Variants in CACNA1C observed in about 807,000 individuals in gnomAD.
CACNA1C encodes the protein voltage-dependent L-type calcium channel subunit alpha-1C.
A neutral mutation model predicts 229.0 loss-of-function variants in CACNA1C; 30 were observed. The ratio of observed to expected loss-of-function variants is 0.13; its 90% CI spans 0.10 to 0.18. CACNA1C has a LOEUF of 0.18. CACNA1C is among the 10% of genes least tolerant of loss of function. The pLI is 1.00. For synonymous variants in CACNA1C, 1,114 were observed against 1,132.5 expected (o/e 0.98, Z 0.33); for missense variants, 1,658 against 2,845.0 (o/e 0.58, Z 9.49).
At chr12:2,168,642 A>T (rs2096347897) in intron 3 of CACNA1C, among the ~76,000 whole-genome samples, 1 of 152,188 alleles carries the variant, frequency 6.6e-6, no homozygotes. Flanking sequence ...CCTGTATCAC[A>T]ACAGGTATTT....
intron 1 of CACNA1C, chr12:2,004,368 G>C: frequency 6.2e-7 from 1 of 1,613,104 alleles, no homozygotes; most frequent in Non-Finnish European, 8.5e-7. Context: ...TCGTGGCGCT[G>C]CAGGGCCGCT....
In CACNA1C at chr12:2,410,961, A is replaced by T. The variant is rs2098800831; in HGVS notation, c.478-38015A>T. 6.7e-6 allele frequency among the ~76,000 whole-genome samples: 1 copy of T among 149,532 alleles called. No individual in the cohort carries two copies. Among genetic ancestry groups the T allele is most frequent in the East Asian group, 2.0e-4 (1 of 5,092 alleles). ...ATTTTTCTCTCATCTTTCTCTCCCT[A>T]CTCCCCTTGCAGCATGAGAGGCCCA... On this transcript the variant is annotated intron_variant, in intron 3 of 46. Coordinates refer to ENST00000399655, the MANE Select transcript of CACNA1C (RefSeq NM_000719.7). The surrounding 1 kb of genome is among the most constrained non-coding windows in gnomAD (Gnocchi z 5.3).
Position 2,611,886 on chromosome 12 carries a change from C to G in CACNA1C, c.3718-17C>G, listed in dbSNP as rs896229007. The G allele has an allele frequency of 8.4e-6, 13 of 1,547,130 alleles. No individual in the cohort carries two copies. Among genetic ancestry groups the G allele is most frequent in the Non-Finnish European group, 1.2e-5 (13 of 1,119,600 alleles). On this transcript the variant is annotated splice_polypyrimidine_tract_variant and intron_variant, in intron 28 of 46. Coordinates refer to ENST00000399655, the MANE Select transcript of CACNA1C (RefSeq NM_000719.7). ...TCCCTGCCCCGTGTTCACAGCTCCT[C>G]CCCTCTCCTGATGCAGCACTACGGC...
intron 1 of CACNA1C, among the ~76,000 whole-genome samples, chr12:2,104,501 T>A (rs1595924385): frequency 1.3e-5 from 2 of 152,218 alleles, no homozygotes; most frequent in South Asian, 4.1e-4. Flanking sequence ...AAATATATAA[T>A]CATGTTATCT....
At chr12:2,199,855 T>C (rs2097533239) in intron 3 of CACNA1C, among the ~76,000 whole-genome samples, 1 of 152,150 alleles carries the variant, frequency 6.6e-6, no homozygotes, top group Admixed American at 6.5e-5. Context: ...GCACTCAGTC[T>C]GGGCAACAGA....
At position 2,585,107 on chromosome 12, in the gene CACNA1C, G is replaced by T. The variant is rs982071890; in HGVS notation, c.2340-269G>T. ...TCCTCCAGGAGCCAATCCTAGATGA[G>T]ATCCACCATCCTTTTCTGCTTTGGC... On this transcript the variant is annotated intron_variant, in intron 16 of 46. Transcript: ENST00000399655. The surrounding 1 kb of genome is among the most constrained non-coding windows in gnomAD (Gnocchi z 4.1). 1.3e-5 allele frequency among the ~76,000 whole-genome samples: 2 copies of T among 152,208 alleles called. No homozygotes were observed. The highest frequency in any genetic ancestry group is 2.9e-5 in the Non-Finnish European group (2 of 68,038).
chr12:2,550,688 C>A, intron 10 of CACNA1C: 1 of 1,327,124 alleles, frequency 7.5e-7, no homozygotes. Context: ...TGAATTGCTC[C>A]ACCTGGGGGG....
chr12:1,991,672 G>A, intron 1 of CACNA1C: 1 of 171,192 alleles, frequency 5.8e-6, no homozygotes, highest in South Asian at 1.4e-4. Flanking sequence ...ATAGTGGACA[G>A]CACACGCTTA....
intron 1 of CACNA1C, among the ~76,000 whole-genome samples, chr12:2,106,660 C>T (rs2078847234): frequency 1.6e-5 from 1 of 62,176 alleles, no homozygotes; most frequent in Non-Finnish European, 4.1e-5. Context: ...GGAGGGTTTC[C>T]ACCTCAGCTG....
chr12:2,032,691 T>C (rs538216129), intron 1 of CACNA1C, among the ~76,000 whole-genome samples: 1 of 152,356 alleles, frequency 6.6e-6, no homozygotes, highest in Non-Finnish European at 1.5e-5. Context: ...TCTTGTCCTC[T>C]GAATTATGGA....
chr12:1,999,420 A>G (rs2041670444), intron 1 of CACNA1C, among the ~76,000 whole-genome samples: 1 of 152,256 alleles, frequency 6.6e-6, no homozygotes, highest in African/African-American at 2.4e-5. Context: ...AATTATAAAT[A>G]AAGAATTTAG....
intron 3 of CACNA1C, among the ~76,000 whole-genome samples, chr12:2,432,973 G>T (rs2099100587): frequency 6.6e-6 from 1 of 152,168 alleles, no homozygotes; most frequent in South Asian, 2.1e-4. Flanking sequence ...TTCCTTTAGA[G>T]ACTAACCCTG....
chr12:2,597,161 A>T lies in CACNA1C; in HGVS notation c.2794-69A>T. On this transcript the variant is annotated intron_variant, in intron 20 of 46. Coordinates refer to ENST00000399655, the MANE Select transcript of CACNA1C (RefSeq NM_000719.7). The surrounding 1 kb of genome is among the most constrained non-coding windows in gnomAD (Gnocchi z 4.3). ...CCCCTTTTCTGGTGAACATCCACTG[A>T]CCTCTCTTCCCGTCCTGCTTTTCTC... 21 of 931,906 alleles carry T rather than the reference A, an allele frequency of 2.3e-5. No individual in the cohort carries two copies. The highest frequency in any genetic ancestry group is 3.1e-5 in the Non-Finnish European group (18 of 573,996). The allele number at this position is 931,906 out of a possible 1,614,324, so 57.7% of individuals were successfully genotyped here.
rs2097114735 is a variant in CACNA1C at position 2,348,503 on chromosome 12, T to C, written c.478-100473T>C. On this transcript the variant is annotated intron_variant, in intron 3 of 46. Coordinates refer to ENST00000399655, the MANE Select transcript of CACNA1C (RefSeq NM_000719.7). This position sits in a 1 kb window ranked among gnomAD's most constrained non-coding sequence, Gnocchi z 4.7. ...TGAGCCACAGCACCTGGTTTAGGGCTACAAATAGTCTCCCCGAGGGAATGG... is the reference window on the plus strand; with the variant it reads ...TGAGCCACAGCACCTGGTTTAGGGCCACAAATAGTCTCCCCGAGGGAATGG... 6.6e-6 allele frequency among the ~76,000 whole-genome samples: 1 copy of C among 152,246 alleles called. No homozygotes were observed. Among genetic ancestry groups the C allele is most frequent in the Non-Finnish European group, 1.5e-5 (1 of 68,044 alleles).
At chr12:2,192,430 C>T (rs1207297558) in intron 3 of CACNA1C, among the ~76,000 whole-genome samples, 1 of 152,200 alleles carries the variant, frequency 6.6e-6, no homozygotes, top group Admixed American at 6.5e-5. Context: ...CCCGTGCCTG[C>T]GGACTCACAG....
At position 2,188,078 on chromosome 12, in the gene CACNA1C, A is replaced by G. The variant is rs375964795; in HGVS notation, c.477+67648A>G. Among the ~76,000 whole-genome samples, 13 of 152,300 alleles carry G rather than the reference A, an allele frequency of 8.5e-5. No individual in the cohort carries two copies. In the South Asian group the frequency reaches 2.3e-3, roughly 27 times the overall value. On this transcript the variant is annotated intron_variant, in intron 3 of 46. Transcript: ENST00000399655. ...TTTTCACTAGGAATTAAAAACACCA[A>G]AAAGGAACTTCTTATCAGCAGGTAC...
At chr12:2,645,335 G>C (rs548895384) in intron 30 of CACNA1C, among the ~76,000 whole-genome samples, 1 of 152,326 alleles carries the variant, frequency 6.6e-6, no homozygotes, top group South Asian at 2.1e-4. Context: ...CAGGGCACCG[G>C]CAGCAAATCT....
chr12:2,419,068 C>T (rs530318949), intron 3 of CACNA1C, among the ~76,000 whole-genome samples: 27 of 152,326 alleles, frequency 1.8e-4, no homozygotes, highest in South Asian at 6.2e-4. Context: ...AACTGAGGCC[C>T]TCCGGGGCAT....
In CACNA1C at chr12:2,608,442, G is replaced by A. The variant is rs1718190190; in HGVS notation, c.3357-69G>A. The stretch of plus-strand genomic sequence containing the variant: ...TGATCCCTGGGATCCCTGGAGCAGT[G>A]GTGCCGTCCTTCCGCAGAGGGGACC... On this transcript the variant is annotated intron_variant, in intron 26 of 46. Transcript: ENST00000399655. The surrounding 1 kb of genome is among the most constrained non-coding windows in gnomAD (Gnocchi z 4.2). The A allele has an allele frequency of 8.4e-7, 1 of 1,195,882 alleles. No homozygotes were observed. Among genetic ancestry groups the A allele is most frequent in the Non-Finnish European group, 1.2e-6 (1 of 845,288 alleles). 74.1% of individuals were successfully genotyped at this position (1,195,882 alleles called of 1,614,324 possible).
Sources: gnomAD v4.1 joint callset for allele counts (sites outside exome capture counted in the v4.1 genomes callset) on GRCh38, gnomAD v4.1.1 for gene constraint, Gnocchi (gnomAD v3.1) non-coding constraint, MANE v1.5 for transcripts, NCBI Gene and HGNC (gene_info 2026-07-23, HGNC 2026-07-21) for gene names.